The following ACOX3 variants were observed in gnomAD, a reference collection of about 807,000 sequenced individuals.
ACOX3 encodes the protein peroxisomal acyl-coenzyme A oxidase 3.
ACOX3 carries 73 observed loss-of-function variants against 81.5 expected under a neutral mutation model. That is an observed-to-expected ratio of 0.90 (90% confidence interval 0.74 to 1.09). ACOX3 has a LOEUF of 1.09. Ranked by LOEUF, ACOX3 falls within the 50% of genes least tolerant of loss-of-function variation. The probability of loss-of-function intolerance (pLI) is 0.00; values close to 1 mark genes in which losing one functional copy is unlikely to be tolerated. For synonymous variants in ACOX3, 387 were observed against 375.1 expected (o/e 1.03, Z -0.37); for missense variants, 947 against 928.0 (o/e 1.02, Z -0.27).
chr4:8,401,802 C>G (rs1188682269), intron 7 of ACOX3, among the ~76,000 whole-genome samples: 3 of 152,262 alleles, frequency 2.0e-5, no homozygotes, highest in Non-Finnish European at 4.4e-5. Context: ...GCCCCGTCCA[C>G]CAGGTTCTCT....
In ACOX3 at chr4:8,415,865, G is replaced by A. The variant is rs1454255699; in HGVS notation, c.279C>T (p.Val93=). 2.5e-6 allele frequency: 4 copies of A among 1,614,052 alleles called. No homozygotes were observed. The highest frequency in any genetic ancestry group is 1.1e-5 in the South Asian group (1 of 91,074). The change falls in exon 3 of 18, where the codon GTC becomes GTT. Residue 93 remains valine, a synonymous_variant. Coordinates refer to ENST00000356406, the MANE Select transcript of ACOX3 (RefSeq NM_003501.3). ...KRIFEYDFLS[V]EDMFKSPLKV... ...TCAGAGGGCTCTTGAACATGTCTTC[G>A]ACACTGAGGAAGTCATACTCGAAGA...
At chr4:8,383,151 T>C (rs1446822254) in intron 13 of ACOX3, among the ~76,000 whole-genome samples, 2 of 152,214 alleles carry the variant, frequency 1.3e-5, no homozygotes, top group Non-Finnish European at 2.9e-5. Flanking sequence ...GTCAGGCGGC[T>C]TGCCGGAGGT....
At chr4:8,365,913 G>A (rs79585195), downstream of ACOX3, among the ~76,000 whole-genome samples, 14 of 152,260 alleles carry the variant, frequency 9.2e-5, no homozygotes, top group East Asian at 1.9e-4. Flanking sequence ...TATTTGGTTC[G>A]GCACCGTCCT....
At position 8,437,290 on chromosome 4, in the gene ACOX3, A is replaced by G. The variant is rs1330261863; in HGVS notation, c.-15+3358T>C. On this transcript the variant is annotated intron_variant, in intron 1 of 17. Coordinates refer to ENST00000356406, the MANE Select transcript of ACOX3 (RefSeq NM_003501.3). This position sits in a 1 kb window ranked among gnomAD's most constrained non-coding sequence, Gnocchi z 5.2. ...AAGGAACAAAACAGGAAAGAGCAAA[A>G]GCAACAAGTGCGGCAGCTAGGCACG... 1.3e-5 allele frequency among the ~76,000 whole-genome samples: 2 copies of G among 152,000 alleles called. No individual in the cohort carries two copies. Among genetic ancestry groups the G allele is most frequent in the East Asian group, 3.9e-4 (2 of 5,126 alleles).
Position 8,400,174 on chromosome 4 carries a change from C to A in ACOX3, c.777-522G>T, listed in dbSNP as rs972974787. Among the ~76,000 whole-genome samples the A allele has an allele frequency of 7.2e-5, 11 of 151,884 alleles. No homozygotes were observed. Among genetic ancestry groups the A allele is most frequent in the African/African-American group, 2.7e-4 (11 of 41,296 alleles). On this transcript the variant is annotated intron_variant, in intron 7 of 17. Coordinates refer to ENST00000356406, the MANE Select transcript of ACOX3 (RefSeq NM_003501.3). This position sits in a 1 kb window ranked among gnomAD's most constrained non-coding sequence, Gnocchi z 4.4. ...GCTGAGACAGGAGAATTGTTTGAACCCGGGCGGCGGAAGTTGCAGTGAGCC... is the reference window on the plus strand; with the variant it reads ...GCTGAGACAGGAGAATTGTTTGAACACGGGCGGCGGAAGTTGCAGTGAGCC...
chr4:8,372,848 C>G (rs970748735), intron 16 of ACOX3, among the ~76,000 whole-genome samples: 1 of 152,220 alleles, frequency 6.6e-6, no homozygotes, highest in Non-Finnish European at 1.5e-5. Context: ...TCCACGGACA[C>G]AGTGGCCCTG....
chr4:8,381,512 CAA>C lies in ACOX3; in HGVS notation c.1631_1632del (p.Phe544Ter). ...CTTACCTGGCATTTGTTCCTTGCTT[CAA>C]AGTCACTGCTTCCTGATCTTTTCTC... ...NQEKRSGSSD[F>X]EARNKCQVSH... On this transcript the variant is annotated frameshift_variant, in exon 14 of 18. Transcript: ENST00000356406. LOFTEE classifies it high-confidence loss of function. The surrounding 1 kb of genome is among the most constrained non-coding windows in gnomAD (Gnocchi z 4.3). The C allele has an allele frequency of 1.2e-6, 2 of 1,613,800 alleles. No individual in the cohort carries two copies. The highest frequency in any genetic ancestry group is 1.7e-6 in the Non-Finnish European group (2 of 1,179,878).
At chr4:8,435,028 C>A (rs894317333) in intron 1 of ACOX3, among the ~76,000 whole-genome samples, 3 of 152,106 alleles carry the variant, frequency 2.0e-5, no homozygotes, top group African/African-American at 7.2e-5. Flanking sequence ...TAAGCCCACT[C>A]CGCTAGAAAC....
At chr4:8,398,322 C>G (rs992968437) in intron 8 of ACOX3, among the ~76,000 whole-genome samples, 1 of 152,088 alleles carries the variant, frequency 6.6e-6, no homozygotes, top group Non-Finnish European at 1.5e-5. Flanking sequence ...CTAGAATTTT[C>G]TCTTAGAAAT....
At chr4:8,401,493 T>TA (rs1258869787) in intron 7 of ACOX3, among the ~76,000 whole-genome samples, 1 of 152,030 alleles carries the variant, frequency 6.6e-6, no homozygotes, top group Non-Finnish European at 1.5e-5. Context: ...CATCCCCACC[T>TA]AGGACCCAGC....
chr4:8,387,095 A>G (rs1339305510), intron 13 of ACOX3, among the ~76,000 whole-genome samples: 8 of 152,234 alleles, frequency 5.3e-5, no homozygotes, highest in Non-Finnish European at 7.3e-5. Flanking sequence ...TCCCCGCTCT[A>G]TCTGCCCAGT....
rs181008336 is a variant in ACOX3 at position 8,382,257 on chromosome 4, C to T, written c.1538-650G>A. 4.5e-3 allele frequency among the ~76,000 whole-genome samples: 683 copies of T among 152,314 alleles called. No individual in the cohort carries two copies. Among genetic ancestry groups the T allele is most frequent in the Non-Finnish European group, 6.3e-3 (429 of 68,012 alleles). ...GGGTGTCAGGCAGGACAGCTGGAGACCCCCCTTCGTCCTCCCCTTCCCCTG... is the reference window on the plus strand; with the variant it reads ...GGGTGTCAGGCAGGACAGCTGGAGATCCCCCTTCGTCCTCCCCTTCCCCTG... On this transcript the variant is annotated intron_variant, in intron 13 of 17. Transcript: ENST00000356406. The surrounding 1 kb of genome is among the most constrained non-coding windows in gnomAD (Gnocchi z 4.1).
At chr4:8,397,239 C>A in intron 8 of ACOX3, 120 bp from the exon 9 acceptor site, 1 of 1,000,418 alleles carries the variant, frequency 1.0e-6, no homozygotes, top group African/African-American at 1.7e-5. Flanking sequence ...CCCACCTGCC[C>A]AGGCCCCATC....
downstream of ACOX3, among the ~76,000 whole-genome samples, chr4:8,364,538 C>T (rs78099127): frequency 9.7e-5 from 9 of 92,458 alleles, no homozygotes; most frequent in South Asian, 2.9e-4. This position sits in a 1 kb window ranked among gnomAD's most constrained non-coding sequence, Gnocchi z 5.0. Flanking sequence ...CTCTCCTGCA[C>T]GAGAACCCGT....
chr4:8,378,941 G>A (rs563626990), intron 14 of ACOX3, among the ~76,000 whole-genome samples: 49 of 152,310 alleles, frequency 3.2e-4, no homozygotes, highest in Non-Finnish European at 6.8e-4. Flanking sequence ...CCAGCCTGAT[G>A]CCTGTGGAAG....
At chr4:8,403,248 A>C (rs1720562676) in intron 7 of ACOX3, among the ~76,000 whole-genome samples, 1 of 152,238 alleles carries the variant, frequency 6.6e-6, no homozygotes, top group South Asian at 2.1e-4. Flanking sequence ...AACATTGGTA[A>C]CAAAAATCAC....
Position 8,432,171 on chromosome 4 carries a change from G to A in ACOX3, c.-15+8477C>T, listed in dbSNP as rs1049818021. Among the ~76,000 whole-genome samples the A allele has an allele frequency of 9.9e-5, 15 of 152,128 alleles. No individual in the cohort carries two copies. The highest frequency in any genetic ancestry group is 1.0e-4 in the Non-Finnish European group (7 of 68,028). ...TGGGAAAGAGTTGTGGAACATAAATGTGGTTTTGTACAAGATGCACAAACA... is the reference window on the plus strand; with the variant it reads ...TGGGAAAGAGTTGTGGAACATAAATATGGTTTTGTACAAGATGCACAAACA... On this transcript the variant is annotated intron_variant, in intron 1 of 17. Coordinates refer to ENST00000356406, the MANE Select transcript of ACOX3 (RefSeq NM_003501.3). This position sits in a 1 kb window ranked among gnomAD's most constrained non-coding sequence, Gnocchi z 6.2.
chr4:8,408,891 T>TGGC (rs1560193586), intron 6 of ACOX3, among the ~76,000 whole-genome samples: 1 of 25,790 alleles, frequency 3.9e-5, no homozygotes, highest in Non-Finnish European at 6.2e-5. Flanking sequence ...GAGCCCTCAC[T>TGGC]GGGGGGGGGG....
At position 8,394,474 on chromosome 4, in the gene ACOX3, G is replaced by A. The variant is rs1193523101; in HGVS notation, c.1179+146C>T. On this transcript the variant is annotated intron_variant, in intron 10 of 17. Transcript: ENST00000356406. The surrounding 1 kb of genome is among the most constrained non-coding windows in gnomAD (Gnocchi z 5.9). ...CGTTCAATCGCGGCAGAGGCCAAGAGCTCCGAGTGGGTGGGAACAACTGGA... is the reference window on the plus strand; with the variant it reads ...CGTTCAATCGCGGCAGAGGCCAAGAACTCCGAGTGGGTGGGAACAACTGGA... The A allele has an allele frequency of 1.5e-6, 2 of 1,300,518 alleles. No homozygotes were observed. The highest frequency in any genetic ancestry group is 5.1e-5 in the Admixed American group (2 of 39,038). The allele number at this position is 1,300,518 out of a possible 1,614,324, so 80.6% of individuals were successfully genotyped here. A position where few individuals can be genotyped will look rare whatever the true frequency, so the allele number is the denominator to read the frequency against.
Sources: gnomAD v4.1 joint callset for allele counts (sites outside exome capture counted in the v4.1 genomes callset) on GRCh38, gnomAD v4.1.1 for gene constraint, Gnocchi (gnomAD v3.1) non-coding constraint, MANE v1.5 for transcripts, NCBI Gene and HGNC (gene_info 2026-07-23, HGNC 2026-07-21) for gene names.